AGMO: variants seen among roughly 807,000 people sequenced by gnomAD.
The protein encoded by AGMO is glyceryl-ether monooxygenase.
A neutral mutation model predicts 60.2 loss-of-function variants in AGMO; 75 were observed. The observed-to-expected ratio is 1.25, with a 90% CI of 1.03 to 1.51. The LOEUF is 1.51. Among genes scored for constraint, AGMO ranks in the 40% most tolerant of loss-of-function variants. The pLI is 0.00. For missense variants in AGMO, 763 were observed against 525.5 expected (o/e 1.45, Z -4.42); for synonymous variants, 261 against 177.1 (o/e 1.47, Z -3.76).
chr7:15,336,581 T>C (rs1164976062), intron 12 of AGMO, among the ~76,000 whole-genome samples: 1 of 152,146 alleles, frequency 6.6e-6, no homozygotes, highest in East Asian at 1.9e-4. Context: ...TTTGGGAAAT[T>C]TCAATTGTCA....
the AGMO span, among the ~76,000 whole-genome samples, chr7:15,118,750 G>A: frequency 6.6e-6 from 1 of 151,878 alleles, no homozygotes; most frequent in Non-Finnish European, 1.5e-5. Context: ...AAAGCTATTG[G>A]TCTTCAACCC....
chr7:15,123,600 T>C, the AGMO span, among the ~76,000 whole-genome samples: 2 of 152,106 alleles, frequency 1.3e-5, no homozygotes, highest in African/African-American at 4.8e-5. Flanking sequence ...AATGTATAAA[T>C]AGCTACTCCT....
At chr7:15,517,314 G>GGTGTGT in intron 3 of AGMO, among the ~76,000 whole-genome samples, 2 of 148,410 alleles carry the variant, frequency 1.3e-5, no homozygotes, top group East Asian at 3.9e-4. Flanking sequence ...TCTAGTGTGG[G>GGTGTGT]GTGTGTGTGT....
intron 12 of AGMO, among the ~76,000 whole-genome samples, chr7:15,223,670 T>G (rs886447195): frequency 2.6e-5 from 4 of 151,982 alleles, no homozygotes; most frequent in Admixed American, 6.6e-5. Context: ...AAGACTCTGC[T>G]ACATGAAGAA....
intron 3 of AGMO, among the ~76,000 whole-genome samples, chr7:15,520,725 T>TA (rs1295941461): frequency 6.6e-6 from 1 of 152,286 alleles, no homozygotes; most frequent in African/African-American, 2.4e-5. Flanking sequence ...TTTATAGCAC[T>TA]AAATGCCCAT....
At chr7:15,371,181 C>T (rs1783196811) in intron 10 of AGMO, among the ~76,000 whole-genome samples, 1 of 152,106 alleles carries the variant, frequency 6.6e-6, no homozygotes, top group Non-Finnish European at 1.5e-5. Flanking sequence ...AACATTAATA[C>T]AATTAATCAA....
intron 12 of AGMO, among the ~76,000 whole-genome samples, chr7:15,255,547 A>AAAAG (rs1554402211): frequency 8.0e-5 from 12 of 150,552 alleles, no homozygotes; most frequent in South Asian, 2.1e-4. Flanking sequence ...AAAAAAAAAA[A>AAAAG]AAAGAAAGAA....
intron 3 of AGMO, among the ~76,000 whole-genome samples, chr7:15,508,162 A>G (rs1355702262): frequency 6.6e-6 from 1 of 152,150 alleles, no homozygotes; most frequent in African/African-American, 2.4e-5. Context: ...AGTCCCTAGA[A>G]AATGCAAGCA....
intron 3 of AGMO, among the ~76,000 whole-genome samples, chr7:15,470,745 A>G (rs182618332): frequency 2.0e-5 from 3 of 152,028 alleles, no homozygotes; most frequent in African/African-American, 7.2e-5. Flanking sequence ...TTACTTTGAA[A>G]GAGTTTGAAA....
At chr7:15,270,156 G>C (rs773237996) in intron 12 of AGMO, among the ~76,000 whole-genome samples, 5 of 152,142 alleles carry the variant, frequency 3.3e-5, no homozygotes, top group Non-Finnish European at 7.4e-5. Flanking sequence ...TCAAATGGTA[G>C]TTCTATTTTT....
intron 12 of AGMO, among the ~76,000 whole-genome samples, chr7:15,275,977 C>T (rs774063918): frequency 7.2e-5 from 11 of 151,824 alleles, no homozygotes; most frequent in Admixed American, 3.9e-4. Flanking sequence ...TTGTTTAGTC[C>T]AATTTGCCAC....
At chr7:15,230,130 A>G (rs1782215628) in intron 12 of AGMO, among the ~76,000 whole-genome samples, 1 of 152,134 alleles carries the variant, frequency 6.6e-6, no homozygotes, top group Non-Finnish European at 1.5e-5. Flanking sequence ...AGGACTTACA[A>G]CAAAGGAAAA....
chr7:15,301,441 GA>G (rs139421944), intron 12 of AGMO, among the ~76,000 whole-genome samples: 13 of 146,270 alleles, frequency 8.9e-5, no homozygotes, highest in East Asian at 2.0e-4. Flanking sequence ...TCAGTCTCAG[GA>G]AAAAAAAAAG....
intron 6 of AGMO, among the ~76,000 whole-genome samples, chr7:15,392,153 T>C (rs985527071): frequency 1.3e-5 from 2 of 152,124 alleles, no homozygotes; most frequent in Admixed American, 6.5e-5. Context: ...CACTGCAAGC[T>C]CTGCCTCCCG....
chr7:15,524,218 AC>A (rs1377965664), intron 3 of AGMO, among the ~76,000 whole-genome samples: 1 of 152,028 alleles, frequency 6.6e-6, no homozygotes, highest in Non-Finnish European at 1.5e-5. Context: ...GATTATATAT[AC>A]TTTTTTTTTA....
At chr7:15,331,153 T>C (rs759676306) in intron 12 of AGMO, among the ~76,000 whole-genome samples, 8 of 152,158 alleles carry the variant, frequency 5.3e-5, no homozygotes, top group Non-Finnish European at 7.4e-5. Context: ...AGCCTTGTAA[T>C]TGGATCCTTC....
intron 12 of AGMO, among the ~76,000 whole-genome samples, chr7:15,276,547 G>C (rs181657519): frequency 4.4e-4 from 67 of 152,158 alleles, no homozygotes; most frequent in African/African-American, 1.5e-3. Flanking sequence ...TCTAGCAGCT[G>C]CTCCTCAAAT....
At chr7:15,467,754 C>T (rs1481595458) in intron 3 of AGMO, among the ~76,000 whole-genome samples, 1 of 152,080 alleles carries the variant, frequency 6.6e-6, no homozygotes, top group Non-Finnish European at 1.5e-5. Context: ...AATAAATCTA[C>T]ATTTGAAATC....
At chr7:15,545,190 T>G (rs1583670876) in intron 2 of AGMO, among the ~76,000 whole-genome samples, 1 of 152,262 alleles carries the variant, frequency 6.6e-6, no homozygotes, top group East Asian at 1.9e-4. Context: ...AGGCCATTTT[T>G]TATGTCTCTT....
Sources: gnomAD v4.1 joint callset for allele counts (sites outside exome capture counted in the v4.1 genomes callset) on GRCh38, gnomAD v4.1.1 for gene constraint, MANE v1.5 for transcripts, NCBI Gene and HGNC (gene_info 2026-07-23, HGNC 2026-07-21) for gene names.